Variants in SASH1 observed in about 807,000 individuals in gnomAD.
SASH1 encodes SAM and SH3 domain-containing protein 1.
Under a neutral mutation model 125.2 loss-of-function variants are expected in SASH1, and 44 were observed. That is an observed-to-expected ratio of 0.35 (90% CI 0.28 to 0.45). The LOEUF (loss-of-function observed/expected upper bound fraction) is 0.45. Ranked by LOEUF, SASH1 falls within the 20% of genes least tolerant of loss-of-function variation. The pLI is 1.00. For missense variants in SASH1, 1,426 were observed against 1,614.5 expected, an observed-to-expected ratio of 0.88 and a Z score of 2.00; for synonymous variants, 639 against 649.1, an observed-to-expected ratio of 0.98 and a Z score of 0.24.
the SASH1 span, among the ~76,000 whole-genome samples, chr6:148,220,936 C>A: frequency 6.6e-6 from 1 of 152,038 alleles, no homozygotes; most frequent in Non-Finnish European, 1.5e-5. Context: ...AAAATGTGAC[C>A]AATAGACCCC....
At chr6:148,434,944 C>T (rs1046920379) in intron 2 of SASH1, among the ~76,000 whole-genome samples, 2 of 152,070 alleles carry the variant, frequency 1.3e-5, no homozygotes, top group Non-Finnish European at 2.9e-5. Flanking sequence ...GGGGCTTATG[C>T]CTGTAATCCC....
intron 18 of SASH1, among the ~76,000 whole-genome samples, chr6:148,545,724 A>AAAG (rs200939247): frequency 0.015 from 2,278 of 152,368 alleles, 34 homozygotes; most frequent in African/African-American, 0.032. Context: ...TAAAGATGTA[A>AAAG]AAGTATTCCC....
intron 4 of SASH1, among the ~76,000 whole-genome samples, chr6:148,447,597 A>G (rs552776524): frequency 7.3e-5 from 11 of 151,656 alleles, no homozygotes; most frequent in African/African-American, 2.7e-4. Context: ...TGCACCACTG[A>G]TCTGATCTTG....
intron 2 of SASH1, among the ~76,000 whole-genome samples, chr6:148,396,980 G>C (rs911229461): frequency 6.6e-6 from 1 of 152,170 alleles, no homozygotes; most frequent in Non-Finnish European, 1.5e-5. Flanking sequence ...ATGCTGAAGA[G>C]TATCCATTAC....
Position 148,546,091 on chromosome 6 carries a change from C to T in SASH1, c.3425C>T (p.Ala1142Val). Residue 1142 changes from alanine to valine, a missense_variant, in exon 19 of 20, where the codon GCC becomes GTC. Ala to Val is a moderately conservative substitution (Grantham distance 64). Transcript: ENST00000367467. The part of the protein sequence containing the change: ...EDLDQPERDV[A>V]ANMDQIRVKQ... ...TTGGATCAGCCCGAGCGGGACGTCG[C>T]CGCCAACATGGACCAGATCCGGGTG... is the stretch of plus-strand genomic sequence containing the variant. The T allele has an allele frequency of 6.2e-7, 1 of 1,614,244 alleles. No homozygotes were observed. The highest frequency in any genetic ancestry group is 1.6e-4 in the Middle Eastern group (1 of 6,062).
intron 1 of SASH1, among the ~76,000 whole-genome samples, chr6:148,356,244 C>T (rs1304422624): frequency 6.6e-6 from 1 of 151,778 alleles, no homozygotes; most frequent in Admixed American, 6.6e-5. Flanking sequence ...ACCACCATAC[C>T]TGGCTAATTC....
At chr6:148,426,985 A>G (rs1161840317) in intron 2 of SASH1, among the ~76,000 whole-genome samples, 1 of 151,978 alleles carries the variant, frequency 6.6e-6, no homozygotes, top group African/African-American at 2.4e-5. Flanking sequence ...AATACAATAT[A>G]TATATACATG....
the SASH1 span, among the ~76,000 whole-genome samples, chr6:148,252,524 G>A: frequency 6.6e-6 from 1 of 151,284 alleles, no homozygotes; most frequent in South Asian, 2.1e-4. Flanking sequence ...TGTCGCCCAG[G>A]CTGGAGTGCA....
chr6:148,413,587 T>C (rs966993684), intron 2 of SASH1, among the ~76,000 whole-genome samples: 1 of 152,138 alleles, frequency 6.6e-6, no homozygotes. Flanking sequence ...GTGAAAGAAA[T>C]GCATCCAGGC....
the SASH1 span, among the ~76,000 whole-genome samples, chr6:148,246,638 A>G: frequency 2.6e-5 from 4 of 152,244 alleles, no homozygotes; most frequent in Non-Finnish European, 5.9e-5. Context: ...GTAAAAAGAA[A>G]ATATTTTAAG....
chr6:148,448,983 T>G (rs1776943702), intron 4 of SASH1, among the ~76,000 whole-genome samples: 2 of 152,164 alleles, frequency 1.3e-5, no homozygotes, highest in African/African-American at 4.8e-5. Context: ...ATCCTGTTTT[T>G]CAACTTCTAT....
chr6:148,256,154 A>G, the SASH1 span, among the ~76,000 whole-genome samples: 5 of 152,186 alleles, frequency 3.3e-5, no homozygotes, highest in South Asian at 2.1e-4. Context: ...ATTCAATTCC[A>G]TTATTTAAAG....
chr6:148,514,228 G>C (rs571436932), intron 8 of SASH1, 96 bp from the exon 9 acceptor site: 1 of 1,506,152 alleles, frequency 6.6e-7, no homozygotes, highest in East Asian at 2.4e-5. Context: ...CAGAGCTGCC[G>C]AGGTTCAGAC....
chr6:148,207,227 C>T, the SASH1 span, among the ~76,000 whole-genome samples: 14 of 152,314 alleles, frequency 9.2e-5, no homozygotes, highest in Middle Eastern at 0.01. Flanking sequence ...TCTGCATTTG[C>T]CAGCGCAGTA....
the SASH1 span, among the ~76,000 whole-genome samples, chr6:148,225,074 A>G: frequency 0.67 from 101,615 of 151,962 alleles, 34,549 homozygotes; most frequent in East Asian, 0.83. Flanking sequence ...AACAAACTGG[A>G]AGGCAAACAG....
intron 4 of SASH1, among the ~76,000 whole-genome samples, chr6:148,453,570 A>G (rs1252841270): frequency 6.6e-6 from 1 of 152,156 alleles, no homozygotes; most frequent in Admixed American, 6.5e-5. Context: ...TGCAAGGGGC[A>G]GACTGCTTCT....
At chr6:148,469,482 C>A (rs750635908) in intron 5 of SASH1, among the ~76,000 whole-genome samples, 1 of 152,194 alleles carries the variant, frequency 6.6e-6, no homozygotes, top group Non-Finnish European at 1.5e-5. Flanking sequence ...TCTCTTATCC[C>A]AGCAATTTGG....
At chr6:148,343,953 A>AT (rs1233467053) in intron 1 of SASH1, among the ~76,000 whole-genome samples, 1 of 152,196 alleles carries the variant, frequency 6.6e-6, no homozygotes, top group Admixed American at 6.5e-5. Context: ...GGCGAGGTTT[A>AT]TTACAGTCAG....
chr6:148,354,342 A>G (rs1422069951), intron 1 of SASH1, among the ~76,000 whole-genome samples: 1 of 152,230 alleles, frequency 6.6e-6, no homozygotes, highest in Non-Finnish European at 1.5e-5. Context: ...GCACAATAAT[A>G]TAAGAGAGCT....
Sources: allele counts gnomAD v4.1 joint callset (sites outside exome capture counted in the v4.1 genomes callset), GRCh38; gene constraint gnomAD v4.1.1; transcripts MANE v1.5; gene names NCBI Gene and HGNC (gene_info 2026-07-23, HGNC 2026-07-21).